Variants in PGAM1 observed in about 807,000 individuals in gnomAD.
PGAM1 encodes phosphoglycerate mutase 1, also known as BPG-dependent PGAM 1.
In PGAM1, 21 loss-of-function variants were observed where a neutral mutation model predicts 23.5. The ratio of observed to expected loss-of-function variants is 0.89; its 90% CI spans 0.63 to 1.29. The LOEUF is 1.29. Among genes scored for constraint, PGAM1 ranks in the 50% most tolerant of loss-of-function variants. The pLI is 0.00. For missense variants in PGAM1, 232 were observed against 336.3 expected (o/e 0.69, Z 2.42); for synonymous variants, 109 against 128.6 (o/e 0.85, Z 1.03).
At chr10:97,428,605 A>G (rs1845436846) in intron 1 of PGAM1, among the ~76,000 whole-genome samples, 2 of 152,256 alleles carry the variant, frequency 1.3e-5, no homozygotes, top group South Asian at 4.1e-4. Flanking sequence ...GCAAGTGGAA[A>G]TAATTGCAGT....
At position 97,432,384 on chromosome 10, in the gene PGAM1, A is replaced by T; in HGVS notation, c.625A>T (p.Asn209Tyr). The T allele has an allele frequency of 6.2e-7, 1 of 1,612,076 alleles. No individual in the cohort carries two copies. The highest frequency in any genetic ancestry group is 1.7e-5 in the Admixed American group (1 of 59,998). The change falls in exon 4 of 4, where the codon AAC becomes TAC. Residue 209 changes from asparagine (N) to tyrosine (Y), a missense_variant. Asn to Tyr is a moderately radical substitution (Grantham distance 143). Coordinates refer to ENST00000334828, the MANE Select transcript of PGAM1 (RefSeq NM_002629.4). ...CTCTGAAGAGGCTATCATGGAGCTG[A>T]ACCTGCCGACTGGTATTCCCATTGT... is the stretch of plus-strand genomic sequence containing the variant. ...GLSEEAIMEL[N>Y]LPTGIPIVYE...
chr10:97,430,553 C>G lies in PGAM1; in HGVS notation c.314C>G (p.Ala105Gly), dbSNP rs760697097. 37 of 1,600,746 alleles carry G rather than the reference C, an allele frequency of 2.3e-5. No homozygotes were observed. The highest frequency in any genetic ancestry group is 2.9e-5 in the Non-Finnish European group (34 of 1,179,848). The change falls in exon 2 of 4, where the codon GCA becomes GGA. Residue 105 changes from alanine (A) to glycine (G), a missense_variant. Ala to Gly is a moderately conservative substitution (Grantham distance 60). This residue lies in a region of PGAM1 where 191 missense variants were observed against 241.7 expected (regional missense o/e 0.79). Coordinates refer to ENST00000334828, the MANE Select transcript of PGAM1 (RefSeq NM_002629.4). ...LTGLNKAETA[A>G]KHGEAQVKIW... ...GGTCTCAATAAAGCAGAAACTGCTG[C>G]AAAGCATGGTGAGGCCCAGGTGAAG... is the stretch of plus-strand genomic sequence containing the variant.
intron 1 of PGAM1, chr10:97,428,017 G>A: frequency 9.5e-7 from 1 of 1,052,214 alleles, no homozygotes; most frequent in Non-Finnish European, 1.3e-6. Flanking sequence ...GAGAGGCTGG[G>A]AAATGGAAAG....
At chr10:97,432,011 C>T (rs866602464) in intron 3 of PGAM1, among the ~76,000 whole-genome samples, 2 of 152,124 alleles carry the variant, frequency 1.3e-5, no homozygotes, top group Admixed American at 6.6e-5. Context: ...TAGAGGCCCA[C>T]GTGTGCTGAT....
Position 97,430,461 on chromosome 10 carries a change from T to C in PGAM1, c.222T>C (p.Ile74=). Reference sequence around the variant, plus strand: ...CCCTCTGGACAGTGCTAGATGCCATTGATCAGATGTGGCTGCCAGTGGTGA... The same window carrying C: ...CCCTCTGGACAGTGCTAGATGCCATCGATCAGATGTGGCTGCCAGTGGTGA... The part of the protein sequence containing the change: ...IRTLWTVLDA[I]DQMWLPVVRT... The change falls in exon 2 of 4, where the codon ATT becomes ATC. Residue 74 remains isoleucine, a synonymous_variant. Coordinates refer to ENST00000334828, the MANE Select transcript of PGAM1 (RefSeq NM_002629.4). 1 of 1,606,442 alleles carries C rather than the reference T, an allele frequency of 6.2e-7. No individual in the cohort carries two copies. Among genetic ancestry groups the C allele is most frequent in the Non-Finnish European group, 8.5e-7 (1 of 1,179,432 alleles).
At chr10:97,429,910 G>C (rs1845449259) in intron 1 of PGAM1, among the ~76,000 whole-genome samples, 1 of 152,062 alleles carries the variant, frequency 6.6e-6, no homozygotes, top group Non-Finnish European at 1.5e-5. Flanking sequence ...GCTGGATATG[G>C]TGGCGTGCGC....
chr10:97,429,442 A>G (rs1055883306), intron 1 of PGAM1, among the ~76,000 whole-genome samples: 2 of 152,184 alleles, frequency 1.3e-5, no homozygotes, highest in Non-Finnish European at 2.9e-5. Flanking sequence ...GGGCCAACAT[A>G]ACTCTTGCCA....
intron 1 of PGAM1, chr10:97,427,881 C>T (rs1011591937): frequency 7.8e-7 from 1 of 1,289,320 alleles, no homozygotes; most frequent in South Asian, 1.2e-5. Flanking sequence ...AGCTTCTTGC[C>T]TTCACTGTAC....
rs748627221 is a variant in PGAM1, at chr10:97,426,289, G to C, written c.-19G>C. On this transcript the variant is annotated 5_prime_UTR_variant, in exon 1 of 4. Transcript: ENST00000334828. ...GAATCTGCTAATCCCAGTCGGTGCCGCATCCCCAGCCCGCCGCCATGGCCG... is the reference window on the plus strand; with the variant it reads ...GAATCTGCTAATCCCAGTCGGTGCCCCATCCCCAGCCCGCCGCCATGGCCG... 3.1e-6 allele frequency: 5 copies of C among 1,609,602 alleles called. No individual in the cohort carries two copies. The highest frequency in any genetic ancestry group is 3.4e-6 in the Non-Finnish European group (4 of 1,179,052).
rs1279228452 is a variant in PGAM1, at chr10:97,427,649, C to G, written c.139+1203C>G. ...TGGCTGTGAGATAATGCTTGCCTAT[C>G]CAGGCTTGCTCCCGCCCCAGTCTGC... On this transcript the variant is annotated intron_variant, in intron 1 of 3. Transcript: ENST00000334828. The G allele has an allele frequency of 4.2e-6, 5 of 1,186,848 alleles. No individual in the cohort carries two copies. The South Asian group carries it at 4.6e-5, about 11-fold the overall frequency. 73.5% of individuals were successfully genotyped at this position (1,186,848 alleles called of 1,614,324 possible).
rs1589456563 is a variant in PGAM1, at chr10:97,430,508, G to A, written c.269G>A (p.Arg90Gln). The A allele has an allele frequency of 6.2e-7, 1 of 1,601,254 alleles. No homozygotes were observed. The highest frequency in any genetic ancestry group is 2.2e-5 in the East Asian group (1 of 44,868). The change falls in exon 2 of 4, where the codon CGG (arginine) becomes CAG (glutamine). Residue 90 changes from arginine to glutamine, a missense_variant. Physicochemically the swap from Arg to Gln is conservative, Grantham distance 43. Coordinates refer to ENST00000334828, the MANE Select transcript of PGAM1 (RefSeq NM_002629.4). ...GTGAGGACTTGGCGCCTCAATGAGCGGCACTATGGGGGTCTAACCGGTCTC... is the reference window on the plus strand; with the variant it reads ...GTGAGGACTTGGCGCCTCAATGAGCAGCACTATGGGGGTCTAACCGGTCTC... ...PVVRTWRLNE[R>Q]HYGGLTGLNK... is the part of the protein sequence containing the mutation.
At chr10:97,427,712 C>G (rs986661492) in intron 1 of PGAM1, 4 of 1,244,356 alleles carry the variant, frequency 3.2e-6, no homozygotes, top group African/African-American at 3.1e-5. Context: ...GAAGCATTCC[C>G]TGCTGCCGGC....
intron 1 of PGAM1, chr10:97,427,504 C>G (rs1397346448): frequency 9.7e-7 from 1 of 1,025,958 alleles, no homozygotes; most frequent in Admixed American, 5.5e-5. Flanking sequence ...GGAAAGATGA[C>G]TTGTCCAAGG....
At chr10:97,427,151 T>G (rs1845419361) in intron 1 of PGAM1, 1 of 317,402 alleles carries the variant, frequency 3.2e-6, no homozygotes, top group Non-Finnish European at 4.6e-6. Flanking sequence ...AGTCTGGTGC[T>G]CCTGGAGGAC....
Position 97,432,586 on chromosome 10 carries a change from C to T in PGAM1, c.*62C>T. The T allele has an allele frequency of 2.8e-6, 3 of 1,057,818 alleles. No homozygotes were observed. In the East Asian group the frequency reaches 7.6e-5, roughly 27 times the overall value. 65.5% of individuals were successfully genotyped at this position (1,057,818 alleles called of 1,614,324 possible). A position where few individuals can be genotyped will look rare whatever the true frequency, so the allele number is the denominator to read the frequency against. ...TCCCTGCCCGTCTTGTCCCTCTGCC[C>T]CTCCCACCTGCACATGTCACACTGA... On this transcript the variant is annotated 3_prime_UTR_variant, in exon 4 of 4. Transcript: ENST00000334828.
intron 1 of PGAM1, chr10:97,427,635 TA>T: frequency 8.4e-7 from 1 of 1,185,416 alleles, no homozygotes; most frequent in Non-Finnish European, 1.1e-6. Flanking sequence ...GGCTGTGAGA[TA>T]ATGCTTGCCT....
At chr10:97,429,994 C>T (rs1020944763) in intron 1 of PGAM1, among the ~76,000 whole-genome samples, 6 of 148,092 alleles carry the variant, frequency 4.1e-5, no homozygotes, top group Admixed American at 2.0e-4. Context: ...TGCAGTGAGC[C>T]GAGACCACGC....
chr10:97,431,037 T>C lies in PGAM1; in HGVS notation c.497T>C (p.Phe166Ser), dbSNP rs747354091. The C allele has an allele frequency of 2.5e-6, 4 of 1,613,994 alleles. No homozygotes were observed. The highest frequency in any genetic ancestry group is 3.4e-6 in the Non-Finnish European group (4 of 1,179,960). ...LKDTIARALP[F>S]WNEEIVPQIK... The stretch of plus-strand genomic sequence containing the variant: ...GATACTATTGCCAGAGCTCTGCCCT[T>C]CTGGAATGAAGAAATAGTTCCCCAG... Residue 166 changes from phenylalanine (F) to serine (S), a missense_variant, in exon 3 of 4, where the codon TTC (phenylalanine) becomes TCC (serine). Phe to Ser is a radical substitution (Grantham distance 155, BLOSUM62 -2). Coordinates refer to ENST00000334828, the MANE Select transcript of PGAM1 (RefSeq NM_002629.4).
intron 3 of PGAM1, among the ~76,000 whole-genome samples, chr10:97,431,495 G>T (rs1330285315): frequency 6.6e-6 from 1 of 152,160 alleles, no homozygotes; most frequent in Non-Finnish European, 1.5e-5. Flanking sequence ...ATCCTCCTTA[G>T]CTTGCCAAGC....
Sources: allele counts gnomAD v4.1 joint callset (sites outside exome capture counted in the v4.1 genomes callset), GRCh38; gene constraint gnomAD v4.1.1; regional missense constraint gnomAD v4.1.1; transcripts MANE v1.5; gene names NCBI Gene and HGNC (gene_info 2026-07-23, HGNC 2026-07-21).